Variants in ANGPT1 observed in about 807,000 individuals in gnomAD.
ANGPT1 encodes angiopoietin 1.
A neutral mutation model predicts 62.2 loss-of-function variants in ANGPT1; 17 were observed. The observed-to-expected ratio is 0.27, with a 90% CI of 0.19 to 0.41. The LOEUF (loss-of-function observed/expected upper bound fraction) is 0.41, where lower values mean the gene tolerates loss of function less well. Among genes scored for constraint, ANGPT1 ranks in the 10% least tolerant of loss-of-function variants. The pLI, the probability that ANGPT1 is intolerant of heterozygous loss-of-function variation, is 1.00. For missense variants in ANGPT1, 478 were observed against 594.9 expected (o/e 0.80, Z 2.04); for synonymous variants, 199 against 198.9 (o/e 1.00, Z 0.00).
At chr8:107,352,686 G>T (rs1815958359) in intron 1 of ANGPT1, among the ~76,000 whole-genome samples, 1 of 152,102 alleles carries the variant, frequency 6.6e-6, no homozygotes, top group Admixed American at 6.6e-5. Flanking sequence ...TAATTCTTAA[G>T]AAAGTAACAT....
chr8:107,370,400 GAAA>G (rs146438178), intron 1 of ANGPT1, among the ~76,000 whole-genome samples: 1,493 of 53,626 alleles, frequency 0.028, 416 homozygotes, highest in African/African-American at 0.05. Flanking sequence ...AAGAAAGAAA[GAAA>G]GAAAGAGTCA....
At chr8:107,399,645 G>A (rs1817004054) in intron 1 of ANGPT1, among the ~76,000 whole-genome samples, 1 of 152,052 alleles carries the variant, frequency 6.6e-6, no homozygotes, top group Non-Finnish European at 1.5e-5. Context: ...GGCTGAGCCC[G>A]GCTCCTGATT....
chr8:107,263,865 T>C (rs1375469623), intron 8 of ANGPT1, among the ~76,000 whole-genome samples: 1 of 152,214 alleles, frequency 6.6e-6, no homozygotes, highest in Non-Finnish European at 1.5e-5. Context: ...CGAAGTATTT[T>C]ATAAGAAGTA....
intron 1 of ANGPT1, among the ~76,000 whole-genome samples, chr8:107,356,872 C>T (rs1816057751): frequency 6.6e-6 from 1 of 152,178 alleles, no homozygotes; most frequent in Admixed American, 6.5e-5. Context: ...AAGGCAAAGA[C>T]AGATAATTTC....
intron 7 of ANGPT1, among the ~76,000 whole-genome samples, chr8:107,271,494 G>A (rs1413804829): frequency 6.6e-6 from 1 of 151,984 alleles, no homozygotes; most frequent in Non-Finnish European, 1.5e-5. Context: ...ATATGTAAGT[G>A]TTCTGAGAGT....
At position 107,299,422 on chromosome 8, in the gene ANGPT1, A is replaced by ATATATAC. The variant is rs1281291162; in HGVS notation, c.936+3817_936+3818insGTATATA. Among the ~76,000 whole-genome samples the ATATATAC allele has an allele frequency of 6.9e-3, 800 of 116,038 alleles. 17 individuals are homozygous for ATATATAC. Among genetic ancestry groups the ATATATAC allele is most frequent in the African/African-American group, 0.023 (759 of 32,342 alleles). The allele number at this position is 116,038 out of a possible 152,430, so 76.1% of individuals were successfully genotyped here. On this transcript the variant is annotated intron_variant, in intron 5 of 8. Coordinates refer to ENST00000517746, the MANE Select transcript of ANGPT1 (RefSeq NM_001146.5). ...ATATATATATATATATATATATATA[A>ATATATAC]ACATACATATATATACTAAGCATAT...
At chr8:107,384,860 C>G (rs1334624716) in intron 1 of ANGPT1, among the ~76,000 whole-genome samples, 1 of 152,078 alleles carries the variant, frequency 6.6e-6, no homozygotes, top group Non-Finnish European at 1.5e-5. Context: ...ACCTCAGCAA[C>G]ATTTATTGAA....
chr8:107,256,950 G>A (rs1043349773), intron 8 of ANGPT1, among the ~76,000 whole-genome samples: 5 of 151,958 alleles, frequency 3.3e-5, no homozygotes, highest in Non-Finnish European at 5.9e-5. Flanking sequence ...TCCGCCTCTC[G>A]GGTTCAAGCC....
chr8:107,399,722 T>C (rs1817006371), intron 1 of ANGPT1, among the ~76,000 whole-genome samples: 1 of 152,184 alleles, frequency 6.6e-6, no homozygotes, highest in South Asian at 2.1e-4. Context: ...TAAAAGAACA[T>C]GAATCCTGAT....
At chr8:107,270,868 G>A (rs756323390) in intron 7 of ANGPT1, among the ~76,000 whole-genome samples, 2 of 151,976 alleles carry the variant, frequency 1.3e-5, no homozygotes, top group Non-Finnish European at 1.5e-5. Flanking sequence ...AAGAAAAGAG[G>A]ATGTGAGTAG....
chr8:107,287,245 C>T (rs1457893642), intron 6 of ANGPT1, among the ~76,000 whole-genome samples: 3 of 152,156 alleles, frequency 2.0e-5, no homozygotes, highest in South Asian at 2.1e-4. Context: ...CAGGGAAACA[C>T]GCAGTGATCC....
intron 1 of ANGPT1, among the ~76,000 whole-genome samples, chr8:107,418,371 A>T (rs1252192055): frequency 6.6e-6 from 1 of 152,166 alleles, no homozygotes; most frequent in Non-Finnish European, 1.5e-5. Context: ...TCTGTTGAAA[A>T]AAGTTGAGAA....
chr8:107,258,861 T>G (rs1364549404), intron 8 of ANGPT1, among the ~76,000 whole-genome samples: 1 of 152,176 alleles, frequency 6.6e-6, no homozygotes, highest in Admixed American at 6.5e-5. Context: ...AAGAATCACG[T>G]TTATACTAAC....
chr8:107,272,487 G>T (rs1005413810), intron 7 of ANGPT1, among the ~76,000 whole-genome samples: 1 of 151,894 alleles, frequency 6.6e-6, no homozygotes, highest in Non-Finnish European at 1.5e-5. Context: ...TAGATAAAAT[G>T]AGCTTATCAA....
chr8:107,448,415 A>G (rs2130447861), intron 1 of ANGPT1, among the ~76,000 whole-genome samples: 1 of 152,240 alleles, frequency 6.6e-6, no homozygotes, highest in East Asian at 1.9e-4. Context: ...TTTGTTTTCT[A>G]TTATTTTCTT....
At chr8:107,280,561 T>C (rs1018984065) in intron 7 of ANGPT1, among the ~76,000 whole-genome samples, 4 of 152,190 alleles carry the variant, frequency 2.6e-5, no homozygotes, top group African/African-American at 7.2e-5. Flanking sequence ...GATGTATCCA[T>C]GTGACAAAGT....
chr8:107,279,771 AG>A (rs5893835), intron 7 of ANGPT1, among the ~76,000 whole-genome samples: 112,029 of 151,136 alleles, frequency 0.74, 41,789 homozygotes, highest in Middle Eastern at 0.82. Context: ...ACTCAAAGGA[AG>A]GGGGGGGGAG....
At chr8:107,347,154 G>T in intron 1 of ANGPT1, 57 bp from the exon 2 acceptor site, 4 of 1,523,058 alleles carry the variant, frequency 2.6e-6, no homozygotes, top group Non-Finnish European at 3.6e-6. Context: ...CCCAGTTCGG[G>T]CATGTAATAT....
At chr8:107,337,566 A>T (rs1169062481) in intron 2 of ANGPT1, among the ~76,000 whole-genome samples, 1 of 152,216 alleles carries the variant, frequency 6.6e-6, no homozygotes, top group East Asian at 1.9e-4. Flanking sequence ...TAAGGGAGGT[A>T]TAAAACAAAG....
Sources: allele counts gnomAD v4.1 joint callset (sites outside exome capture counted in the v4.1 genomes callset), GRCh38; gene constraint gnomAD v4.1.1; transcripts MANE v1.5; gene names NCBI Gene and HGNC (gene_info 2026-07-23, HGNC 2026-07-21).